UBL3: variants seen among roughly 807,000 people sequenced by gnomAD.
UBL3 encodes the protein ubiquitin like 3, also known as ubiquitin-like protein 3.
A neutral mutation model predicts 18.4 loss-of-function variants in UBL3; 6 were observed. The ratio of observed to expected loss-of-function variants is 0.33; its 90% CI spans 0.18 to 0.64. The LOEUF (loss-of-function observed/expected upper bound fraction) is 0.64, where lower values mean the gene tolerates loss of function less well. Among genes scored for constraint, UBL3 ranks in the 30% least tolerant of loss-of-function variants. The pLI is 0.76. For missense variants in UBL3, 109 were observed against 142.9 expected (o/e 0.76, Z 1.21); for synonymous variants, 49 against 46.6 (o/e 1.05, Z -0.21).
At chr13:29,848,273 G>A (rs1368571879) in intron 1 of UBL3, among the ~76,000 whole-genome samples, 4 of 70,782 alleles carry the variant, frequency 5.7e-5, no homozygotes, top group Non-Finnish European at 7.4e-5. Flanking sequence ...GTGAAACCCT[G>A]TCTCCACAAA....
intron 1 of UBL3, among the ~76,000 whole-genome samples, chr13:29,844,068 T>C (rs1484049928): frequency 6.6e-6 from 1 of 152,204 alleles, no homozygotes; most frequent in Non-Finnish European, 1.5e-5. Context: ...TAAAAAGTAT[T>C]TTTAAAGGGA....
chr13:29,777,458 GGTGT>G (rs149234772), intron 1 of UBL3, 195 bp from the exon 2 acceptor site: 7 of 672,174 alleles, frequency 1.0e-5, no homozygotes, highest in East Asian at 5.9e-5. Context: ...TTATTTAAAG[GGTGT>G]GTGTGTGTGT....
chr13:29,810,130 A>G (rs764361256), intron 1 of UBL3, among the ~76,000 whole-genome samples: 28 of 152,160 alleles, frequency 1.8e-4, no homozygotes, highest in Non-Finnish European at 3.8e-4. Context: ...AAACTGAGGA[A>G]TTAAGGTTAT....
chr13:29,774,270 G>C (rs910325911), intron 2 of UBL3, among the ~76,000 whole-genome samples: 1 of 151,970 alleles, frequency 6.6e-6, no homozygotes, highest in African/African-American at 2.4e-5. Flanking sequence ...AATTATGAAA[G>C]TAAAAGTATT....
chr13:29,765,663 G>T lies in UBL3; in HGVS notation c.*1592C>A, dbSNP rs1876657853. On this transcript the variant is annotated 3_prime_UTR_variant, in exon 5 of 5. Coordinates refer to ENST00000380680, the MANE Select transcript of UBL3 (RefSeq NM_007106.4). Reference sequence around the variant, plus strand: ...TTACAGGAAGAATCTGTAAGTACAGGTTGCAGAAAGAAAACGTTTAGTGCT... The same window carrying T: ...TTACAGGAAGAATCTGTAAGTACAGTTTGCAGAAAGAAAACGTTTAGTGCT... 2 of 152,490 alleles carry T rather than the reference G, an allele frequency of 1.3e-5. No homozygotes were observed. Among genetic ancestry groups the T allele is most frequent in the South Asian group, 4.2e-4 (2 of 4,814 alleles). 9.4% of individuals were successfully genotyped at this position (152,490 alleles called of 1,614,324 possible). A position where few individuals can be genotyped will look rare whatever the true frequency, so the allele number is the denominator to read the frequency against.
intron 1 of UBL3, among the ~76,000 whole-genome samples, chr13:29,794,351 T>C (rs1877555658): frequency 6.7e-6 from 1 of 149,842 alleles, no homozygotes; most frequent in Admixed American, 6.7e-5. Context: ...TTACTAACAC[T>C]ACACACACAC....
intron 1 of UBL3, among the ~76,000 whole-genome samples, chr13:29,821,898 T>C (rs1287473317): frequency 6.6e-6 from 1 of 152,188 alleles, no homozygotes; most frequent in Admixed American, 6.5e-5. Flanking sequence ...AACAATTTTA[T>C]GAGTAATTGC....
rs1359464345 is a variant in UBL3 at position 29,780,367 on chromosome 13, A to AAAAAAAATAT, written c.28-3105_28-3104insATATTTTTTT. Among the ~76,000 whole-genome samples the AAAAAAAATAT allele has an allele frequency of 3.5e-3, 358 of 103,120 alleles. 8 individuals are homozygous for AAAAAAAATAT. The highest frequency in any genetic ancestry group is 0.021 in the East Asian group (53 of 2,570). The allele number at this position is 103,120 out of a possible 152,430, so 67.7% of individuals were successfully genotyped here. A position where few individuals can be genotyped will look rare whatever the true frequency, so the allele number is the denominator to read the frequency against. The stretch of plus-strand genomic sequence containing the variant: ...AGACTCTGTCTCAAAAAAAAAAAAA[A>AAAAAAAATAT]ATATATATATATATATATATATATG... On this transcript the variant is annotated intron_variant, in intron 1 of 4. Coordinates refer to ENST00000380680, the MANE Select transcript of UBL3 (RefSeq NM_007106.4).
chr13:29,825,610 G>A (rs553268421), intron 1 of UBL3, among the ~76,000 whole-genome samples: 59 of 152,288 alleles, frequency 3.9e-4, no homozygotes, highest in African/African-American at 1.2e-3. Flanking sequence ...GGGCTGAGAC[G>A]ACGGGGTTTT....
intron 1 of UBL3, among the ~76,000 whole-genome samples, chr13:29,784,048 T>C (rs912114064): frequency 5.9e-5 from 9 of 152,194 alleles, no homozygotes; most frequent in African/African-American, 2.2e-4. Context: ...CCATGATGAT[T>C]TCCTGTAAGG....
At chr13:29,810,011 TCA>T (rs1466452774) in intron 1 of UBL3, among the ~76,000 whole-genome samples, 2 of 152,144 alleles carry the variant, frequency 1.3e-5, no homozygotes, top group Non-Finnish European at 2.9e-5. Flanking sequence ...TATTTTCAAT[TCA>T]CAGTTGGTTA....
At chr13:29,843,296 C>T (rs1879152685) in intron 1 of UBL3, among the ~76,000 whole-genome samples, 1 of 152,074 alleles carries the variant, frequency 6.6e-6, no homozygotes, top group African/African-American at 2.4e-5. Flanking sequence ...TTTGTTTTTA[C>T]TTTACTATTT....
chr13:29,795,613 CTTAT>C (rs771141744), intron 1 of UBL3, among the ~76,000 whole-genome samples: 41 of 151,934 alleles, frequency 2.7e-4, no homozygotes, highest in African/African-American at 8.4e-4. Flanking sequence ...TATATATTGA[CTTAT>C]TTAATTCTCA....
chr13:29,799,187 ATTCCACCCTTGCCACC>A (rs1319648259), intron 1 of UBL3, among the ~76,000 whole-genome samples: 1 of 152,184 alleles, frequency 6.6e-6, no homozygotes, highest in Non-Finnish European at 1.5e-5. Context: ...TATCAGTGGC[ATTCCACCCTTGCCACC>A]TTCCCCTTCC....
chr13:29,810,138 T>C (rs888873479), intron 1 of UBL3, among the ~76,000 whole-genome samples: 3 of 152,138 alleles, frequency 2.0e-5, no homozygotes, highest in African/African-American at 7.2e-5. Flanking sequence ...GAATTAAGGT[T>C]ATTCCACATA....
chr13:29,803,627 G>C (rs933410021), intron 1 of UBL3, among the ~76,000 whole-genome samples: 1 of 150,864 alleles, frequency 6.6e-6, no homozygotes, highest in Non-Finnish European at 1.5e-5. Context: ...AAAAAAGGGA[G>C]AAGGGGTTTC....
chr13:29,809,346 A>G (rs186705737), intron 1 of UBL3, among the ~76,000 whole-genome samples: 1 of 152,248 alleles, frequency 6.6e-6, no homozygotes, highest in African/African-American at 2.4e-5. Context: ...TCATGCATAA[A>G]AACTCCAAAG....
chr13:29,789,542 TAAA>T (rs1877429730), intron 1 of UBL3, among the ~76,000 whole-genome samples: 5 of 152,148 alleles, frequency 3.3e-5, no homozygotes, highest in African/African-American at 1.2e-4. Flanking sequence ...AAATGTGTGT[TAAA>T]AAGGCACTAG....
At chr13:29,827,914 G>T (rs1170184655) in intron 1 of UBL3, among the ~76,000 whole-genome samples, 1 of 152,136 alleles carries the variant, frequency 6.6e-6, no homozygotes, top group Non-Finnish European at 1.5e-5. Flanking sequence ...GTTTGTAAAG[G>T]ATTTTATTTC....
Sources: gnomAD v4.1 joint callset for allele counts (sites outside exome capture counted in the v4.1 genomes callset) on GRCh38, gnomAD v4.1.1 for gene constraint, MANE v1.5 for transcripts, NCBI Gene and HGNC (gene_info 2026-07-23, HGNC 2026-07-21) for gene names.